The following EYS variants were observed in gnomAD, a reference collection of about 807,000 sequenced individuals.
EYS encodes the protein protein eyes shut homolog.
Under a neutral mutation model 282.1 loss-of-function variants are expected in EYS, and 250 were observed. The ratio of observed to expected loss-of-function variants is 0.89; its 90% confidence interval spans 0.80 to 0.98. The LOEUF is 0.98. Ranked by LOEUF, EYS falls within the 50% of genes least tolerant of loss-of-function variation. EYS has a pLI of 0.00. For synonymous variants in EYS, 1,355 were observed against 1,282.9 expected (o/e 1.06, Z -1.20); for missense variants, 4,016 against 3,709.0 (o/e 1.08, Z -2.15).
chr6:64,416,340 T>C (rs1774057053), intron 28 of EYS, among the ~76,000 whole-genome samples: 1 of 152,188 alleles, frequency 6.6e-6, no homozygotes, highest in South Asian at 2.1e-4. Flanking sequence ...GTAATTCTCA[T>C]CCTGGTGTTA....
chr6:65,301,241 A>G (rs1171178740), intron 11 of EYS, among the ~76,000 whole-genome samples: 2 of 152,264 alleles, frequency 1.3e-5, no homozygotes, highest in East Asian at 3.9e-4. Context: ...CATGCCTGTA[A>G]TCCCAGCACT....
intron 12 of EYS, among the ~76,000 whole-genome samples, chr6:65,261,085 T>G (rs1006092687): frequency 6.6e-6 from 1 of 152,030 alleles, no homozygotes; most frequent in Non-Finnish European, 1.5e-5. Context: ...GAGTGGAGAA[T>G]AAGAACATTT....
intron 2 of EYS, among the ~76,000 whole-genome samples, chr6:65,633,605 G>T (rs1217931319): frequency 7.2e-5 from 11 of 152,160 alleles, no homozygotes; most frequent in Admixed American, 7.2e-4. Context: ...ATTATTCAGT[G>T]CTTCTCCCTC....
intron 26 of EYS, among the ~76,000 whole-genome samples, chr6:64,589,318 T>G (rs1488474802): frequency 6.6e-6 from 1 of 152,024 alleles, no homozygotes; most frequent in South Asian, 2.1e-4. Context: ...CTAAAACCTT[T>G]TAAACGTTGG....
rs147040896 is a variant in EYS at position 64,380,303 on chromosome 6, T to C, written c.6078+8387A>G. On this transcript the variant is annotated intron_variant, in intron 29 of 42. Coordinates refer to ENST00000503581, the MANE Select transcript of EYS (RefSeq NM_001142800.2). The stretch of plus-strand genomic sequence containing the variant: ...GTTTGGGATTTCAATAATCACCTCA[T>C]GTATAATAGCTGTAGGAAACTACTT... Among the ~76,000 whole-genome samples, 345 of 152,294 alleles carry C rather than the reference T, an allele frequency of 2.3e-3. 2 individuals carry two copies. Among genetic ancestry groups the C allele is most frequent in the African/African-American group, 8.0e-3 (331 of 41,570 alleles).
chr6:64,597,282 A>G (rs754324914), intron 24 of EYS, among the ~76,000 whole-genome samples: 1 of 152,234 alleles, frequency 6.6e-6, no homozygotes, highest in Non-Finnish European at 1.5e-5. Context: ...GTAAACTAGG[A>G]CAAACTCTAT....
In EYS at chr6:64,584,213, A is replaced by G. The variant is rs151220263; in HGVS notation, c.5644+6010T>C. Among the ~76,000 whole-genome samples the G allele has an allele frequency of 1.9e-3, 294 of 152,098 alleles. 2 individuals carry two copies. The highest frequency in any genetic ancestry group is 6.7e-3 in the African/African-American group (277 of 41,542). On this transcript the variant is annotated intron_variant, in intron 26 of 42. Transcript: ENST00000503581. ...AAGCATGTAAAAAATAAAAGTAAAT[A>G]TTAAAAACAACATTAAGGTTCTGGA... is the stretch of plus-strand genomic sequence containing the variant.
At chr6:64,363,639 G>A (rs575190384) in intron 29 of EYS, among the ~76,000 whole-genome samples, 1 of 151,874 alleles carries the variant, frequency 6.6e-6, no homozygotes, top group East Asian at 1.9e-4. Flanking sequence ...TGAACATGTC[G>A]TCAATACACG....
At chr6:65,672,964 G>A (rs1435881242) in intron 1 of EYS, among the ~76,000 whole-genome samples, 1 of 152,020 alleles carries the variant, frequency 6.6e-6, no homozygotes, top group East Asian at 1.9e-4. Context: ...AGGGGCAGGG[G>A]TCACAAGGTG....
intron 30 of EYS, among the ~76,000 whole-genome samples, chr6:64,251,485 A>G (rs1046113289): frequency 1.3e-5 from 2 of 152,140 alleles, no homozygotes; most frequent in Non-Finnish European, 2.9e-5. Flanking sequence ...CACTTCAAAG[A>G]AGAAGAGTGT....
intron 26 of EYS, among the ~76,000 whole-genome samples, chr6:64,548,691 G>A (rs1396618022): frequency 1.3e-5 from 2 of 152,098 alleles, no homozygotes; most frequent in Admixed American, 1.3e-4. Flanking sequence ...GGTGTGGGGA[G>A]GGGGGAGGAG....
chr6:63,827,133 C>G (rs1771491337), intron 36 of EYS, among the ~76,000 whole-genome samples: 1 of 152,136 alleles, frequency 6.6e-6, no homozygotes, highest in Non-Finnish European at 1.5e-5. Context: ...ATTCTTATAT[C>G]AGAGAAATGA....
intron 26 of EYS, among the ~76,000 whole-genome samples, chr6:64,563,372 C>T (rs1765461799): frequency 6.6e-6 from 1 of 151,882 alleles, no homozygotes; most frequent in African/African-American, 2.4e-5. Flanking sequence ...CTTTAAAGAA[C>T]ATCAGAGAGC....
intron 40 of EYS, among the ~76,000 whole-genome samples, chr6:63,774,129 C>A (rs1467622060): frequency 2.0e-5 from 3 of 151,968 alleles, no homozygotes; most frequent in Non-Finnish European, 4.4e-5. Context: ...CTCATTTTAA[C>A]ATCTAACTTG....
At chr6:64,539,330 C>T (rs531463577) in intron 26 of EYS, among the ~76,000 whole-genome samples, 3 of 152,104 alleles carry the variant, frequency 2.0e-5, no homozygotes, top group Admixed American at 6.6e-5. Flanking sequence ...TTTTGGGAGG[C>T]CCAGGTAGGA....
At chr6:63,963,577 C>T (rs965505974) in intron 35 of EYS, among the ~76,000 whole-genome samples, 17 of 152,104 alleles carry the variant, frequency 1.1e-4, no homozygotes, top group African/African-American at 3.6e-4. Context: ...GGTGGCATTC[C>T]TGGGTCTGGG....
At chr6:64,503,293 T>A (rs774431566) in intron 26 of EYS, among the ~76,000 whole-genome samples, 3 of 152,158 alleles carry the variant, frequency 2.0e-5, no homozygotes, top group Non-Finnish European at 4.4e-5. Flanking sequence ...GTATTTTCTA[T>A]TGCTGAGGAA....
intron 28 of EYS, among the ~76,000 whole-genome samples, chr6:64,398,557 T>C (rs1273228174): frequency 2.0e-5 from 3 of 151,874 alleles, no homozygotes. Context: ...TTTATCCACA[T>C]ATACACACAT....
intron 28 of EYS, among the ~76,000 whole-genome samples, chr6:64,389,898 G>A (rs943992054): frequency 2.6e-5 from 4 of 152,032 alleles, no homozygotes; most frequent in African/African-American, 9.7e-5. Flanking sequence ...GACAGTGGGC[G>A]CAGGTCAGTG....
Sources: allele counts gnomAD v4.1 joint callset (sites outside exome capture counted in the v4.1 genomes callset), GRCh38; gene constraint gnomAD v4.1.1; transcripts MANE v1.5; gene names NCBI Gene and HGNC (gene_info 2026-07-23, HGNC 2026-07-21).